Variants in ZBTB7C observed in about 807,000 individuals in gnomAD.
ZBTB7C encodes zinc finger and BTB domain-containing protein 7C.
In ZBTB7C, 8 loss-of-function variants were observed where a neutral mutation model predicts 25.7. The observed-to-expected ratio is 0.31, with a 90% confidence interval of 0.18 to 0.56. The LOEUF (loss-of-function observed/expected upper bound fraction) is 0.56. Ranked by LOEUF, ZBTB7C falls within the 20% of genes least tolerant of loss-of-function variation. The pLI is 0.91. For missense variants in ZBTB7C, 824 were observed against 855.2 expected, an observed-to-expected ratio of 0.96 and a Z score of 0.46; for synonymous variants, 394 against 369.0, an observed-to-expected ratio of 1.07 and a Z score of -0.78.
At position 48,209,756 on chromosome 18, in the gene ZBTB7C, T is replaced by TA. The variant is rs144890708; in HGVS notation, c.-78-23762dup. On this transcript the variant is annotated intron_variant, in intron 2 of 4. Coordinates refer to ENST00000590800, the MANE Select transcript of ZBTB7C (RefSeq NM_001318841.2). ...GGCAACAGAACAAGATCTTGTCTCT[T>TA]AAAAAAAAAAAAAATCCAAGTCATA... Among the ~76,000 whole-genome samples, 791 of 142,062 alleles carry TA rather than the reference T, an allele frequency of 5.6e-3. 3 individuals carry two copies. Among genetic ancestry groups the TA allele is most frequent in the African/African-American group, 0.017 (634 of 38,184 alleles). 93.2% of individuals were successfully genotyped at this position (142,062 alleles called of 152,430 possible). A position where few individuals can be genotyped will look rare whatever the true frequency, so the allele number is the denominator to read the frequency against.
At chr18:48,126,981 G>A (rs2039822691) in intron 3 of ZBTB7C, among the ~76,000 whole-genome samples, 1 of 152,110 alleles carries the variant, frequency 6.6e-6, no homozygotes, top group South Asian at 2.1e-4. Flanking sequence ...AGGTTCAAGG[G>A]CAAGAGCAAT....
chr18:48,211,986 G>C (rs2042713057), intron 2 of ZBTB7C, among the ~76,000 whole-genome samples: 1 of 152,186 alleles, frequency 6.6e-6, no homozygotes, highest in Admixed American at 6.5e-5. Flanking sequence ...GGTACATAGA[G>C]ACATGCTAAA....
chr18:48,098,024 T>C (rs1430218616), intron 3 of ZBTB7C, among the ~76,000 whole-genome samples: 2 of 152,100 alleles, frequency 1.3e-5, no homozygotes, highest in East Asian at 1.9e-4. Flanking sequence ...CACTACCAAT[T>C]GAGCCAAGTT....
At chr18:48,188,657 A>G (rs763651199) in intron 2 of ZBTB7C, among the ~76,000 whole-genome samples, 1 of 152,164 alleles carries the variant, frequency 6.6e-6, no homozygotes, top group Admixed American at 6.5e-5. Flanking sequence ...GGATTCTCCT[A>G]TTCCCACCTC....
At chr18:48,054,695 C>A (rs2036844256) in intron 3 of ZBTB7C, among the ~76,000 whole-genome samples, 1 of 152,176 alleles carries the variant, frequency 6.6e-6, no homozygotes, top group Non-Finnish European at 1.5e-5. Flanking sequence ...TGGGAAAGAA[C>A]AAACTGGAAG....
At chr18:48,147,228 C>A (rs556908869) in intron 3 of ZBTB7C, among the ~76,000 whole-genome samples, 109 of 152,204 alleles carry the variant, frequency 7.2e-4, no homozygotes, top group African/African-American at 2.5e-3. Context: ...TAGGCACATA[C>A]CACCATGTCT....
chr18:48,382,924 A>C (rs570910707), intron 1 of ZBTB7C, among the ~76,000 whole-genome samples: 137 of 152,360 alleles, frequency 9.0e-4, no homozygotes, highest in Non-Finnish European at 1.5e-3. Context: ...CTGCAACTTG[A>C]AAAGTGTAAA....
intron 2 of ZBTB7C, among the ~76,000 whole-genome samples, chr18:48,300,670 G>A (rs1042453099): frequency 1.4e-4 from 21 of 152,338 alleles, no homozygotes; most frequent in Middle Eastern, 3.4e-3. Context: ...AAAATGCCGG[G>A]AAGAAAGGCA....
At chr18:48,408,760 C>A (rs554211646) in intron 1 of ZBTB7C, 2 of 152,048 alleles carry the variant, frequency 1.3e-5, no homozygotes, top group East Asian at 3.9e-4. Flanking sequence ...TGCCGACGGG[C>A]CCGCCCCGCT....
At chr18:48,397,973 C>G (rs2048067867) in intron 1 of ZBTB7C, among the ~76,000 whole-genome samples, 2 of 152,302 alleles carry the variant, frequency 1.3e-5, no homozygotes, top group South Asian at 2.1e-4. Context: ...TTCTGCGTGA[C>G]CAGGTATTTC....
At chr18:48,205,720 C>T (rs916421723) in intron 2 of ZBTB7C, among the ~76,000 whole-genome samples, 10 of 151,850 alleles carry the variant, frequency 6.6e-5, no homozygotes, top group South Asian at 2.1e-4. Flanking sequence ...CAAGTATTGG[C>T]GAGGATGTAT....
intron 2 of ZBTB7C, among the ~76,000 whole-genome samples, chr18:48,322,555 G>A (rs1435219489): frequency 6.6e-6 from 1 of 152,184 alleles, no homozygotes; most frequent in Non-Finnish European, 1.5e-5. Flanking sequence ...ACAGATGTTG[G>A]CGTGGATGCG....
intron 3 of ZBTB7C, among the ~76,000 whole-genome samples, chr18:48,086,657 C>G (rs552594445): frequency 6.6e-6 from 1 of 152,194 alleles, no homozygotes; most frequent in Non-Finnish European, 1.5e-5. Flanking sequence ...TTCTCTGCAG[C>G]CTTGCAGATG....
intron 1 of ZBTB7C, among the ~76,000 whole-genome samples, chr18:48,386,573 T>C (rs532946459): frequency 6.6e-6 from 1 of 152,154 alleles, no homozygotes; most frequent in Non-Finnish European, 1.5e-5. Context: ...ATCCAGCCCA[T>C]AGAATAGCAG....
rs139580256 is a variant in ZBTB7C, at chr18:48,057,662, T to C, written c.-16-16539A>G. Reference sequence around the variant, plus strand: ...CATTATTATTAAAAATGCTGAATGATCTATATTTTCGTCCTTCTTTTACAG... The same window carrying C: ...CATTATTATTAAAAATGCTGAATGACCTATATTTTCGTCCTTCTTTTACAG... On this transcript the variant is annotated intron_variant, in intron 3 of 4. Coordinates refer to ENST00000590800, the MANE Select transcript of ZBTB7C (RefSeq NM_001318841.2). 1.9e-3 allele frequency among the ~76,000 whole-genome samples: 297 copies of C among 152,348 alleles called. 1 individual carries two copies. The highest frequency in any genetic ancestry group is 6.7e-3 in the African/African-American group (278 of 41,578).
chr18:48,273,376 T>A (rs951701933), intron 2 of ZBTB7C, among the ~76,000 whole-genome samples: 5 of 151,872 alleles, frequency 3.3e-5, no homozygotes, highest in African/African-American at 7.3e-5. Flanking sequence ...AAAATAGCAA[T>A]CCTAGAAAGA....
At chr18:48,128,297 G>A (rs1260405344) in intron 3 of ZBTB7C, among the ~76,000 whole-genome samples, 2 of 152,220 alleles carry the variant, frequency 1.3e-5, no homozygotes, top group African/African-American at 2.4e-5. Context: ...TAGAAATGTG[G>A]CACGATTAAA....
At chr18:48,094,737 T>G (rs2038550695) in intron 3 of ZBTB7C, among the ~76,000 whole-genome samples, 2 of 152,222 alleles carry the variant, frequency 1.3e-5, no homozygotes, top group South Asian at 4.1e-4. Context: ...TACTGCATTT[T>G]CAATTGCAGT....
intron 1 of ZBTB7C, among the ~76,000 whole-genome samples, chr18:48,384,951 G>T (rs1484709854): frequency 6.6e-6 from 1 of 152,184 alleles, no homozygotes; most frequent in Non-Finnish European, 1.5e-5. Context: ...CAAAGTGCTG[G>T]GATTACAGGC....
Sources: gnomAD v4.1 joint callset for allele counts (sites outside exome capture counted in the v4.1 genomes callset) on GRCh38, gnomAD v4.1.1 for gene constraint, MANE v1.5 for transcripts, NCBI Gene and HGNC (gene_info 2026-07-23, HGNC 2026-07-21) for gene names.